The following GAK variants were observed in gnomAD, a reference collection of about 807,000 sequenced individuals.
GAK encodes cyclin G associated kinase.
A neutral mutation model predicts 143.9 loss-of-function variants in GAK; 79 were observed. The observed-to-expected ratio is 0.55, with a 90% CI of 0.46 to 0.66. GAK has a LOEUF of 0.66. Ranked by LOEUF, GAK falls within the 30% of genes least tolerant of loss-of-function variation. The pLI, the probability that GAK is intolerant of heterozygous loss-of-function variation, is 0.00. For missense variants in GAK, 1,693 were observed against 1,779.7 expected, an observed-to-expected ratio of 0.95 and a Z score of 0.88; for synonymous variants, 881 against 765.5, an observed-to-expected ratio of 1.15 and a Z score of -2.49.
chr4:859,585 C>A (rs760204570), intron 24 of GAK, 21 bp downstream of exon 24: 47 of 1,590,500 alleles, frequency 3.0e-5, no homozygotes, highest in East Asian at 6.8e-5. Flanking sequence ...TTCCACACCC[C>A]CAAAGTGCCC....
rs949783434 is a variant in GAK, at chr4:909,435, T to C, written c.382+2238A>G. ...CAGGAGCCTTGACGAGGCCCCGGTA[T>C]GCGCACGGGAAGGGCCGGGTGCGAC... On this transcript the variant is annotated intron_variant, in intron 4 of 27. Transcript: ENST00000314167. 3.3e-5 allele frequency among the ~76,000 whole-genome samples: 5 copies of C among 152,022 alleles called. No homozygotes were observed. In the East Asian group the frequency reaches 7.7e-4, roughly 24 times the overall value.
chr4:853,981 A>G (rs957740986), intron 24 of GAK, among the ~76,000 whole-genome samples: 1 of 151,958 alleles, frequency 6.6e-6, no homozygotes, highest in Admixed American at 6.6e-5. Context: ...TATTTTTAGT[A>G]GAGACAGGGT....
chr4:912,519 T>C, intron 3 of GAK: 1 of 506,724 alleles, frequency 2.0e-6, no homozygotes, highest in Admixed American at 3.3e-5. Context: ...CACTTCTGAA[T>C]CTTCTACTAT....
At chr4:890,393 A>C (rs1717398958) in intron 10 of GAK, 139 bp downstream of exon 10, 6 of 601,756 alleles carry the variant, frequency 1.0e-5, no homozygotes, top group Non-Finnish European at 1.4e-5. Flanking sequence ...GTGCTCAGGG[A>C]CCCTGACCTC....
At chr4:902,603 A>AAAAAAACAAAAC (rs1471434122) in intron 5 of GAK, among the ~76,000 whole-genome samples, 7 of 149,750 alleles carry the variant, frequency 4.7e-5, no homozygotes, top group Non-Finnish European at 1.0e-4. Context: ...ACTCAAAAAA[A>AAAAAAACAAAAC]AAAAAAAAAA....
rs1026738 is a variant in GAK, at chr4:865,153, T to C, written c.3135A>G (p.Ala1045=). 1,548,851 of 1,611,124 alleles carry C rather than the reference T, an allele frequency of 0.96. 744,983 individuals are homozygous for C. Among genetic ancestry groups the C allele is most frequent in the East Asian group, 1 (44,798 of 44,804 alleles). Residue 1045 remains alanine, a synonymous_variant, in exon 23 of 28, where the codon GCA becomes GCG. Transcript: ENST00000314167. The part of the protein sequence containing the change: ...GGWAAWTETA[A]SAVAPTPATE... Reference sequence around the variant, plus strand: ...TGGCTGGCGTGGGGGCCACTGCCGATGCTGCAGTCTCGGTCCAGGCAGCCC... The same window carrying C: ...TGGCTGGCGTGGGGGCCACTGCCGACGCTGCAGTCTCGGTCCAGGCAGCCC...
In GAK at chr4:876,618, A is replaced by T; in HGVS notation, c.1975-9T>A. On this transcript the variant is annotated splice_polypyrimidine_tract_variant and intron_variant, in intron 17 of 27. Transcript: ENST00000314167. The stretch of plus-strand genomic sequence containing the variant: ...ATCTTCATGGATGCCATCTGCAAAG[A>T]GAGCAAACACGACACCCCACGTGGA... 1 of 1,613,622 alleles carries T rather than the reference A, an allele frequency of 6.2e-7. No individual in the cohort carries two copies. Among genetic ancestry groups the T allele is most frequent in the Non-Finnish European group, 8.5e-7 (1 of 1,179,564 alleles).
chr4:907,362 A>G (rs1721265633), intron 4 of GAK, among the ~76,000 whole-genome samples: 1 of 152,178 alleles, frequency 6.6e-6, no homozygotes, highest in Non-Finnish European at 1.5e-5. Flanking sequence ...CCTCTGAGAA[A>G]CAGGGGGGCT....
chr4:870,285 G>A (rs777863946), intron 19 of GAK, among the ~76,000 whole-genome samples: 23 of 152,170 alleles, frequency 1.5e-4, no homozygotes, highest in Non-Finnish European at 2.5e-4. Context: ...CTGGGCTGCC[G>A]TTTCGAAACT....
At chr4:892,189 C>T (rs1229310327) in intron 9 of GAK, among the ~76,000 whole-genome samples, 1 of 152,214 alleles carries the variant, frequency 6.6e-6, no homozygotes, top group Non-Finnish European at 1.5e-5. Flanking sequence ...CCACACCCAC[C>T]GCCTGGGTCA....
chr4:858,661 G>A (rs1303899939), intron 24 of GAK, among the ~76,000 whole-genome samples: 1 of 152,236 alleles, frequency 6.6e-6, no homozygotes, highest in African/African-American at 2.4e-5. Context: ...AAAAACTCTT[G>A]GGACTTCATG....
chr4:878,355 G>A (rs917662836), intron 15 of GAK, among the ~76,000 whole-genome samples: 1 of 151,472 alleles, frequency 6.6e-6, no homozygotes, highest in African/African-American at 2.4e-5. Context: ...TATTCTTCTG[G>A]TATTGATTTC....
At chr4:922,368 A>G (rs529425813) in intron 1 of GAK, among the ~76,000 whole-genome samples, 7 of 152,172 alleles carry the variant, frequency 4.6e-5, no homozygotes, top group African/African-American at 1.7e-4. Context: ...TACAAAAATC[A>G]GCGGCGCATG....
intron 1 of GAK, among the ~76,000 whole-genome samples, chr4:929,155 TG>T (rs952425295): frequency 2.6e-5 from 4 of 152,120 alleles, no homozygotes; most frequent in Non-Finnish European, 5.9e-5. Flanking sequence ...CAAGTGGCCC[TG>T]GGGGTGGGAG....
rs779836672 is a variant in GAK, at chr4:851,096, C to A, written c.3509-12G>T. Reference sequence around the variant, plus strand: ...TTTTGGCTTTTGAGCTAGAAAAGAACAGAAACTTTTTTTTGTTTGAGACAG... The same window carrying A: ...TTTTGGCTTTTGAGCTAGAAAAGAAAAGAAACTTTTTTTTGTTTGAGACAG... On this transcript the variant is annotated splice_polypyrimidine_tract_variant and intron_variant, in intron 25 of 27. Coordinates refer to ENST00000314167, the MANE Select transcript of GAK (RefSeq NM_005255.4). The A allele has an allele frequency of 3.7e-6, 6 of 1,611,500 alleles. No individual in the cohort carries two copies. The highest frequency in any genetic ancestry group is 3.4e-5 in the Admixed American group (2 of 59,682).
intron 15 of GAK, among the ~76,000 whole-genome samples, chr4:881,673 G>A (rs1179872508): frequency 2.6e-5 from 4 of 152,258 alleles, no homozygotes; most frequent in African/African-American, 9.6e-5. Context: ...CCATGCACAA[G>A]CTGGGCAGGT....
chr4:852,078 A>G (rs371554961), intron 24 of GAK, 104 bp from the exon 25 acceptor site: 1 of 974,616 alleles, frequency 1.0e-6, no homozygotes, highest in Non-Finnish European at 1.6e-6. Context: ...ATGCGCTTGC[A>G]AAATAGAACA....
At chr4:930,834 T>C (rs527475647) in intron 1 of GAK, among the ~76,000 whole-genome samples, 6 of 152,164 alleles carry the variant, frequency 3.9e-5, no homozygotes, top group Non-Finnish European at 7.4e-5. Context: ...GTGATAATGC[T>C]ACAGTCAAAA....
chr4:876,388 G>A (rs1218113395), intron 18 of GAK, 142 bp downstream of exon 18: 2 of 696,186 alleles, frequency 2.9e-6, no homozygotes, highest in Non-Finnish European at 5.1e-6. Flanking sequence ...CTCCAGGATG[G>A]CCCAGGAACA....
Sources: allele counts gnomAD v4.1 joint callset (sites outside exome capture counted in the v4.1 genomes callset), GRCh38; gene constraint gnomAD v4.1.1; transcripts MANE v1.5; gene names NCBI Gene and HGNC (gene_info 2026-07-23, HGNC 2026-07-21).